The following GABRB2 variants were observed in gnomAD, a reference collection of about 807,000 sequenced individuals.
GABRB2 encodes the protein gamma-aminobutyric acid type A receptor subunit beta2, also known as gamma-aminobutyric acid receptor subunit beta-2.
A neutral mutation model predicts 54.7 loss-of-function variants in GABRB2; 16 were observed. That is an observed-to-expected ratio of 0.29 (90% CI 0.20 to 0.44). The LOEUF (loss-of-function observed/expected upper bound fraction) is 0.44, where lower values mean the gene tolerates loss of function less well. Ranked by LOEUF, GABRB2 falls within the 20% of genes least tolerant of loss-of-function variation. The pLI is 1.00. For synonymous variants in GABRB2, 244 were observed against 233.8 expected, an observed-to-expected ratio of 1.04 and a Z score of -0.40; for missense variants, 355 against 644.0, an observed-to-expected ratio of 0.55 and a Z score of 4.86.
intron 8 of GABRB2, among the ~76,000 whole-genome samples, chr5:161,327,584 C>T (rs1758407416): frequency 6.6e-6 from 1 of 152,010 alleles, no homozygotes; most frequent in Non-Finnish European, 1.5e-5. Context: ...TTAAAACAAA[C>T]ATTTAAGAGA....
chr5:161,506,308 T>G (rs999135727), intron 3 of GABRB2, among the ~76,000 whole-genome samples: 1 of 152,088 alleles, frequency 6.6e-6, no homozygotes, highest in African/African-American at 2.4e-5. Context: ...ATGTCAAATT[T>G]CCCCAGATTG....
At chr5:161,487,388 T>A (rs1758959876) in intron 3 of GABRB2, among the ~76,000 whole-genome samples, 2 of 152,036 alleles carry the variant, frequency 1.3e-5, no homozygotes, top group South Asian at 2.1e-4. Flanking sequence ...GTCATTCCCA[T>A]TGCCCACACT....
intron 3 of GABRB2, among the ~76,000 whole-genome samples, chr5:161,469,541 AAAC>A (rs922837051): frequency 2.0e-5 from 3 of 151,954 alleles, no homozygotes; most frequent in South Asian, 2.1e-4. Context: ...AACAAAAAGA[AAAC>A]AACAACAACA....
chr5:161,504,418 C>T (rs760860148), intron 3 of GABRB2, among the ~76,000 whole-genome samples: 1 of 152,188 alleles, frequency 6.6e-6, no homozygotes, highest in East Asian at 1.9e-4. Context: ...CTTGGGAAAT[C>T]GCACAACATT....
intron 4 of GABRB2, among the ~76,000 whole-genome samples, chr5:161,444,504 A>G (rs1367540366): frequency 1.3e-5 from 2 of 152,138 alleles, no homozygotes; most frequent in Non-Finnish European, 2.9e-5. Context: ...ATTTCTGTTT[A>G]TCTTTGAGAA....
intron 4 of GABRB2, among the ~76,000 whole-genome samples, chr5:161,455,334 C>T (rs1169040336): frequency 6.6e-6 from 1 of 152,082 alleles, no homozygotes; most frequent in Non-Finnish European, 1.5e-5. Context: ...CCCACTGAGC[C>T]ACACATCCTC....
At chr5:161,424,266 C>T (rs978174718) in intron 4 of GABRB2, among the ~76,000 whole-genome samples, 3 of 152,136 alleles carry the variant, frequency 2.0e-5, no homozygotes, top group African/African-American at 7.2e-5. Context: ...ACAAAACAGC[C>T]TTCCACTGGA....
chr5:161,313,157 T>C (rs1757925351), intron 9 of GABRB2, among the ~76,000 whole-genome samples: 1 of 152,202 alleles, frequency 6.6e-6, no homozygotes, highest in South Asian at 2.1e-4. Context: ...TGCTGCAGAA[T>C]GAGCCCGCGA....
At chr5:161,330,383 T>C (rs1753802432) in intron 8 of GABRB2, 2 of 152,884 alleles carry the variant, frequency 1.3e-5, no homozygotes, top group Admixed American at 1.3e-4. Flanking sequence ...GGTGGGTCTG[T>C]AACACATCTG....
intron 9 of GABRB2, among the ~76,000 whole-genome samples, chr5:161,324,385 G>C (rs963018542): frequency 2.0e-5 from 3 of 152,036 alleles, no homozygotes; most frequent in Non-Finnish European, 4.4e-5. Context: ...ACAATCCCTG[G>C]CACCATCTCC....
chr5:161,437,742 G>C, intron 4 of GABRB2, among the ~76,000 whole-genome samples: 1 of 152,058 alleles, frequency 6.6e-6, no homozygotes, highest in East Asian at 1.9e-4. Context: ...CCTTAGGAGA[G>C]CAATGACAAT....
At chr5:161,438,886 T>C (rs1160753187) in intron 4 of GABRB2, among the ~76,000 whole-genome samples, 1 of 151,996 alleles carries the variant, frequency 6.6e-6, no homozygotes, top group Non-Finnish European at 1.5e-5. Flanking sequence ...CGGAACACAC[T>C]GACATATGCC....
chr5:161,352,447 G>A (rs1035477638), intron 5 of GABRB2, among the ~76,000 whole-genome samples: 5 of 151,946 alleles, frequency 3.3e-5, no homozygotes, highest in African/African-American at 1.2e-4. Flanking sequence ...AGTGAAATAA[G>A]GCAAGAACAG....
intron 4 of GABRB2, among the ~76,000 whole-genome samples, chr5:161,413,556 TTTTG>T (rs1390817325): frequency 6.6e-6 from 1 of 152,214 alleles, no homozygotes; most frequent in Non-Finnish European, 1.5e-5. Context: ...CACTGATGTT[TTTTG>T]TTTTTTAGTT....
chr5:161,310,218 T>A (rs1757820256), intron 9 of GABRB2, among the ~76,000 whole-genome samples: 1 of 152,096 alleles, frequency 6.6e-6, no homozygotes, highest in South Asian at 2.1e-4. Flanking sequence ...GGTACTAGGC[T>A]TAATACCTGA....
chr5:161,507,494 T>C (rs1023252635), intron 3 of GABRB2, among the ~76,000 whole-genome samples: 4 of 152,074 alleles, frequency 2.6e-5, no homozygotes, highest in African/African-American at 9.7e-5. Context: ...TACTGAAGGA[T>C]AAAAGGCTGT....
At chr5:161,363,465 T>C (rs1754878959) in intron 5 of GABRB2, among the ~76,000 whole-genome samples, 1 of 152,090 alleles carries the variant, frequency 6.6e-6, no homozygotes, top group East Asian at 1.9e-4. Flanking sequence ...CACCATGGCA[T>C]GTGTATACCT....
intron 4 of GABRB2, among the ~76,000 whole-genome samples, chr5:161,419,703 A>G (rs1756792142): frequency 6.6e-6 from 1 of 152,262 alleles, no homozygotes; most frequent in South Asian, 2.1e-4. Flanking sequence ...GAAATAATTC[A>G]GAAACAGAAA....
chr5:161,527,094 A>G (rs1333701320), intron 3 of GABRB2, among the ~76,000 whole-genome samples: 2 of 151,476 alleles, frequency 1.3e-5, no homozygotes, highest in Non-Finnish European at 3.0e-5. Context: ...TCTGTCTTAC[A>G]TTTAACGTTA....
Sources: allele counts gnomAD v4.1 joint callset (sites outside exome capture counted in the v4.1 genomes callset), GRCh38; gene constraint gnomAD v4.1.1; transcripts MANE v1.5; gene names NCBI Gene and HGNC (gene_info 2026-07-23, HGNC 2026-07-21).